CDYL: variants seen among roughly 807,000 people sequenced by gnomAD.
The protein encoded by CDYL is chromodomain Y like.
Under a neutral mutation model 47.3 loss-of-function variants are expected in CDYL, and 8 were observed. The ratio of observed to expected loss-of-function variants is 0.17; its 90% CI spans 0.10 to 0.31. The LOEUF (loss-of-function observed/expected upper bound fraction) is 0.31. Among genes scored for constraint, CDYL ranks in the 10% least tolerant of loss-of-function variants. CDYL has a pLI of 1.00. For synonymous variants in CDYL, 266 were observed against 265.0 expected (o/e 1.00, Z -0.04); for missense variants, 471 against 701.4 (o/e 0.67, Z 3.71).
intron 5 of CDYL, among the ~76,000 whole-genome samples, chr6:4,949,340 C>T (rs966282142): frequency 1.3e-5 from 2 of 152,234 alleles, no homozygotes; most frequent in Non-Finnish European, 2.9e-5. Context: ...CTCTTGGGGA[C>T]TTCAGAGACT....
intron 1 of CDYL, among the ~76,000 whole-genome samples, chr6:4,817,443 T>A (rs1158765035): frequency 6.6e-6 from 1 of 151,970 alleles, no homozygotes; most frequent in Non-Finnish European, 1.5e-5. Flanking sequence ...AGTACCTGAG[T>A]GACCATCTGA....
intron 1 of CDYL, among the ~76,000 whole-genome samples, chr6:4,868,392 T>C (rs1761381419): frequency 6.6e-6 from 1 of 152,032 alleles, no homozygotes; most frequent in Non-Finnish European, 1.5e-5. Context: ...TTTTTTTAAT[T>C]TTTAAATTTT....
intron 1 of CDYL, among the ~76,000 whole-genome samples, chr6:4,803,713 A>C (rs1581176823): frequency 6.7e-6 from 1 of 149,122 alleles, no homozygotes; most frequent in Non-Finnish European, 1.5e-5. Flanking sequence ...TCCTGGCTTC[A>C]GACTTGGCTC....
At chr6:4,932,799 C>T (rs910796930) in intron 2 of CDYL, among the ~76,000 whole-genome samples, 7 of 152,170 alleles carry the variant, frequency 4.6e-5, no homozygotes, top group Non-Finnish European at 1.0e-4. Context: ...GCAGGGAAAT[C>T]ATTGCTGTCG....
At chr6:4,794,306 A>T (rs898645176) in intron 1 of CDYL, among the ~76,000 whole-genome samples, 17 of 152,068 alleles carry the variant, frequency 1.1e-4, no homozygotes, top group Non-Finnish European at 1.5e-5. Flanking sequence ...AACGAGCCCC[A>T]CTGTGTTTGG....
At chr6:4,894,896 TAC>T (rs1210410040) in intron 2 of CDYL, among the ~76,000 whole-genome samples, 15 of 150,372 alleles carry the variant, frequency 1.0e-4, no homozygotes, top group South Asian at 4.2e-4. Flanking sequence ...TGTGTATATA[TAC>T]ACACGTACGT....
At chr6:4,780,034 T>C (rs1758568944) in intron 1 of CDYL, among the ~76,000 whole-genome samples, 1 of 152,206 alleles carries the variant, frequency 6.6e-6, no homozygotes, top group Non-Finnish European at 1.5e-5. Context: ...TGGGCTGGCT[T>C]TGCCCTGTAG....
At chr6:4,828,297 G>A (rs1470048087) in intron 1 of CDYL, among the ~76,000 whole-genome samples, 1 of 112,066 alleles carries the variant, frequency 8.9e-6, no homozygotes, top group Non-Finnish European at 1.7e-5. Context: ...TTGCTCTGTT[G>A]CCCAGGCTGG....
At chr6:4,836,116 G>A (rs991950904) in intron 1 of CDYL, 11 of 190,502 alleles carry the variant, frequency 5.8e-5, no homozygotes, top group Admixed American at 1.3e-4. Context: ...GCACTCCCTA[G>A]TGAGATGAAC....
At chr6:4,828,749 G>A (rs1334938966) in intron 1 of CDYL, among the ~76,000 whole-genome samples, 2 of 151,864 alleles carry the variant, frequency 1.3e-5, no homozygotes, top group South Asian at 2.1e-4. Flanking sequence ...TTATTTGTTG[G>A]TATGCATGAT....
intron 1 of CDYL, among the ~76,000 whole-genome samples, chr6:4,881,063 T>C (rs78368576): frequency 0.023 from 3,489 of 152,298 alleles, 140 homozygotes; most frequent in African/African-American, 0.08. Flanking sequence ...TGGCATCATT[T>C]GTAGATAGCA....
At chr6:4,749,952 G>A (rs1313010809) in intron 3 of CDYL, among the ~76,000 whole-genome samples, 1 of 152,130 alleles carries the variant, frequency 6.6e-6, no homozygotes, top group Admixed American at 6.5e-5. Flanking sequence ...CATGTACTGA[G>A]GAGGCTTCTT....
rs889489070 is a variant in CDYL at position 4,750,771 on chromosome 6, T to TA, written c.186+15936dup. Among the ~76,000 whole-genome samples, 21 of 151,466 alleles carry TA rather than the reference T, an allele frequency of 1.4e-4. No homozygotes were observed. In the East Asian group the frequency reaches 2.5e-3, roughly 18 times the overall value. Reference sequence around the variant, plus strand: ...ATAGACAGGAGTTTGTTATCTCATTTAAAAAAAAATCACGCGTGTCTTTCT... The same window carrying TA: ...ATAGACAGGAGTTTGTTATCTCATTTAAAAAAAAAATCACGCGTGTCTTTCT... On this transcript the variant is annotated intron_variant, in intron 3 of 8. Coordinates refer to the CDYL transcript ENST00000328908.
rs112678873 is a variant in CDYL, at chr6:4,903,288, A to T, written c.691+10909A>T. On this transcript the variant is annotated intron_variant, in intron 2 of 6. Transcript: ENST00000397588. ...ACATGTCCTTTTAAGTGAAGTCAAT[A>T]TATTCCTCTTCACAGCTGCATCCCA... Among the ~76,000 whole-genome samples the T allele has an allele frequency of 9.2e-5, 14 of 152,248 alleles. 1 individual carries two copies. The highest frequency in any genetic ancestry group is 3.4e-4 in the African/African-American group (14 of 41,542).
intron 2 of CDYL, among the ~76,000 whole-genome samples, chr6:4,893,505 C>T (rs1762109856): frequency 6.6e-6 from 1 of 152,164 alleles, no homozygotes; most frequent in Non-Finnish European, 1.5e-5. Flanking sequence ...CCAGCCTGGC[C>T]AACATGGTGA....
chr6:4,710,917 CCACA>C (rs67002698), intron 1 of CDYL, among the ~76,000 whole-genome samples: 63,402 of 149,372 alleles, frequency 0.42, 13,404 homozygotes, highest in South Asian at 0.47. Flanking sequence ...GGTGTTCTCA[CCACA>C]CACACACACA....
intron 1 of CDYL, among the ~76,000 whole-genome samples, chr6:4,807,558 G>T (rs1239109465): frequency 7.0e-6 from 1 of 142,624 alleles, no homozygotes; most frequent in Non-Finnish European, 1.5e-5. Context: ...GCAAGGAGAA[G>T]CTATTCCTTC....
At chr6:4,775,823 C>T (rs1299282763), upstream of CDYL, among the ~76,000 whole-genome samples, 3 of 150,414 alleles carry the variant, frequency 2.0e-5, no homozygotes, top group African/African-American at 4.9e-5. This position sits in a 1 kb window ranked among gnomAD's most constrained non-coding sequence, Gnocchi z 7.0. Context: ...CGGCCCTTCG[C>T]GGGCTGGCCC....
chr6:4,909,516 C>T (rs1418432185), intron 2 of CDYL, among the ~76,000 whole-genome samples: 1 of 152,176 alleles, frequency 6.6e-6, no homozygotes, highest in African/African-American at 2.4e-5. Flanking sequence ...TATATTACTG[C>T]CCTGCTTAAG....
Sources: allele counts gnomAD v4.1 joint callset (sites outside exome capture counted in the v4.1 genomes callset), GRCh38; gene constraint gnomAD v4.1.1; non-coding constraint Gnocchi (gnomAD v3.1); transcripts MANE v1.5; gene names NCBI Gene and HGNC (gene_info 2026-07-23, HGNC 2026-07-21).